KCNH1: variants seen among roughly 807,000 people sequenced by gnomAD.
KCNH1 encodes the protein potassium voltage-gated channel subfamily H member 1.
In KCNH1, 27 loss-of-function variants were observed where a neutral mutation model predicts 69.2. The ratio of observed to expected loss-of-function variants is 0.39; its 90% CI spans 0.29 to 0.54. The LOEUF is 0.54. Ranked by LOEUF, KCNH1 falls within the 20% of genes least tolerant of loss-of-function variation. The probability of loss-of-function intolerance (pLI) is 0.68; values close to 1 mark genes in which losing one functional copy is unlikely to be tolerated. For missense variants in KCNH1, 798 were observed against 1,261.6 expected (o/e 0.63, Z 5.57); for synonymous variants, 456 against 487.7 (o/e 0.93, Z 0.86).
chr1:211,033,538 G>C (rs1338839654), intron 5 of KCNH1, among the ~76,000 whole-genome samples: 1 of 152,190 alleles, frequency 6.6e-6, no homozygotes, highest in African/African-American at 2.4e-5. Context: ...TGATAGACTG[G>C]ATTAAGAAAA....
At chr1:210,839,832 A>G (rs1685367713) in intron 7 of KCNH1, among the ~76,000 whole-genome samples, 1 of 152,214 alleles carries the variant, frequency 6.6e-6, no homozygotes. Flanking sequence ...ATTTGTATTC[A>G]TATTGGGAAA....
At chr1:210,750,399 T>C (rs1683256827) in intron 10 of KCNH1, among the ~76,000 whole-genome samples, 2 of 152,116 alleles carry the variant, frequency 1.3e-5, no homozygotes, top group African/African-American at 2.4e-5. Flanking sequence ...GTTACTTCAA[T>C]AGACTCAGCT....
intron 9 of KCNH1, among the ~76,000 whole-genome samples, chr1:210,777,369 C>T (rs947478333): frequency 3.3e-5 from 5 of 152,188 alleles, no homozygotes; most frequent in African/African-American, 1.2e-4. Flanking sequence ...GATGGTTTTA[C>T]TGAGTCAATG....
intron 7 of KCNH1, among the ~76,000 whole-genome samples, chr1:210,817,631 T>C (rs938193498): frequency 1.6e-4 from 24 of 152,178 alleles, no homozygotes; most frequent in Non-Finnish European, 3.4e-4. Flanking sequence ...AACTGTGTGC[T>C]AGATACTGTC....
chr1:210,721,059 C>T (rs1264208946), intron 10 of KCNH1, among the ~76,000 whole-genome samples: 1 of 152,118 alleles, frequency 6.6e-6, no homozygotes, highest in African/African-American at 2.4e-5. Context: ...ATAGCTAGGA[C>T]TCAGTGATCC....
chr1:210,732,420 A>T (rs908170290), intron 10 of KCNH1, among the ~76,000 whole-genome samples: 2 of 152,114 alleles, frequency 1.3e-5, no homozygotes, highest in Non-Finnish European at 2.9e-5. Context: ...TGGAGTCCAC[A>T]CTGACTTCTC....
intron 10 of KCNH1, among the ~76,000 whole-genome samples, chr1:210,745,423 T>C (rs910355942): frequency 1.3e-5 from 2 of 152,124 alleles, no homozygotes; most frequent in Admixed American, 6.5e-5. Flanking sequence ...TATTTTCGCA[T>C]CCAAAACTGT....
intron 6 of KCNH1, among the ~76,000 whole-genome samples, chr1:211,016,021 T>TA (rs917635890): frequency 6.6e-5 from 10 of 152,344 alleles, no homozygotes; most frequent in African/African-American, 2.4e-4. Context: ...CTAAGCCCTT[T>TA]ACCAATGAGA....
At position 210,775,557 on chromosome 1, in the gene KCNH1, G is replaced by C. The variant is rs368339968; in HGVS notation, c.1916-13C>G. On this transcript the variant is annotated splice_polypyrimidine_tract_variant and intron_variant, in intron 9 of 10. Coordinates refer to ENST00000271751, the MANE Select transcript of KCNH1 (RefSeq NM_172362.3). ...ACGTCTCCTTTTCCTAAGGAGAGAA[G>C]GTTGTCATGAGGAAAGTGTTGGCCA... is the stretch of plus-strand genomic sequence containing the variant. 7.5e-6 allele frequency: 12 copies of C among 1,608,872 alleles called. No individual in the cohort carries two copies. In the East Asian group the frequency reaches 2.0e-4, roughly 27 times the overall value.
chr1:210,962,603 T>A (rs377573817), intron 6 of KCNH1, among the ~76,000 whole-genome samples: 2 of 152,196 alleles, frequency 1.3e-5, no homozygotes, highest in South Asian at 4.1e-4. Flanking sequence ...TTTTTAGCAC[T>A]GGATAACATT....
intron 1 of KCNH1, among the ~76,000 whole-genome samples, chr1:211,120,989 C>G (rs181419769): frequency 6.6e-6 from 1 of 152,182 alleles, no homozygotes; most frequent in East Asian, 1.9e-4. Context: ...TGTGAAGGAC[C>G]TCTTCAAGGA....
chr1:210,873,803 C>T (rs1686305543), intron 7 of KCNH1, among the ~76,000 whole-genome samples: 1 of 152,040 alleles, frequency 6.6e-6, no homozygotes, highest in African/African-American at 2.4e-5. Flanking sequence ...AAATAAAAGA[C>T]TTAAAGAATT....
intron 2 of KCNH1, among the ~76,000 whole-genome samples, chr1:211,106,306 G>C (rs920421771): frequency 6.6e-6 from 1 of 152,208 alleles, no homozygotes; most frequent in Non-Finnish European, 1.5e-5. Context: ...TCAACACCTG[G>C]AAGATGCTTT....
chr1:210,791,301 C>G (rs1390530916), intron 9 of KCNH1, among the ~76,000 whole-genome samples: 2 of 152,192 alleles, frequency 1.3e-5, no homozygotes, highest in Non-Finnish European at 2.9e-5. Context: ...CAATGTTTCT[C>G]AAAGTGCAGT....
At chr1:210,831,767 T>C (rs1456176065) in intron 7 of KCNH1, among the ~76,000 whole-genome samples, 1 of 152,192 alleles carries the variant, frequency 6.6e-6, no homozygotes, top group Non-Finnish European at 1.5e-5. Flanking sequence ...CCACTGAACA[T>C]AACTGCACCT....
intron 6 of KCNH1, among the ~76,000 whole-genome samples, chr1:210,961,956 G>A (rs530888327): frequency 4.0e-4 from 61 of 152,248 alleles, no homozygotes; most frequent in African/African-American, 1.3e-3. Flanking sequence ...ACAGCTCTGT[G>A]TGTACTCCAA....
chr1:211,090,086 T>C (rs1691025831), intron 4 of KCNH1, among the ~76,000 whole-genome samples: 1 of 152,248 alleles, frequency 6.6e-6, no homozygotes, highest in Non-Finnish European at 1.5e-5. Context: ...ATGTTCCAAA[T>C]GAATTAACCG....
At chr1:211,056,269 G>T (rs1248421194) in intron 5 of KCNH1, among the ~76,000 whole-genome samples, 4 of 152,190 alleles carry the variant, frequency 2.6e-5, no homozygotes, top group African/African-American at 9.7e-5. Flanking sequence ...TAGCCAGGCA[G>T]TACTTGCCAA....
At chr1:210,754,879 CAG>C (rs1553340906) in intron 10 of KCNH1, among the ~76,000 whole-genome samples, 7 of 147,996 alleles carry the variant, frequency 4.7e-5, no homozygotes, top group Non-Finnish European at 7.5e-5. Context: ...CACACACACA[CAG>C]ACACATACAA....
Sources: allele counts gnomAD v4.1 joint callset (sites outside exome capture counted in the v4.1 genomes callset), GRCh38; gene constraint gnomAD v4.1.1; transcripts MANE v1.5; gene names NCBI Gene and HGNC (gene_info 2026-07-23, HGNC 2026-07-21).